The following UBE3D variants were observed in gnomAD, a reference collection of about 807,000 sequenced individuals.
UBE3D encodes ubiquitin protein ligase E3D, also known as E3 ubiquitin-protein ligase E3D.
Under a neutral mutation model 49.6 loss-of-function variants are expected in UBE3D, and 48 were observed. That is an observed-to-expected ratio of 0.97 (90% CI 0.77 to 1.23). UBE3D has a LOEUF of 1.23. Ranked by LOEUF, UBE3D falls within the 50% of genes most tolerant of loss-of-function variation. UBE3D has a pLI of 0.00. For synonymous variants in UBE3D, 189 were observed against 174.2 expected (o/e 1.08, Z -0.67); for missense variants, 452 against 468.4 (o/e 0.96, Z 0.32).
Position 83,022,573 on chromosome 6 carries a change from G to A in UBE3D, c.738-12C>T, listed in dbSNP as rs980355643. 5 of 1,554,140 alleles carry A rather than the reference G, an allele frequency of 3.2e-6. No homozygotes were observed. The highest frequency in any genetic ancestry group is 1.7e-4 in the Middle Eastern group (1 of 5,832). The stretch of plus-strand genomic sequence containing the variant: ...GGACAAACCAAGACCTGTTTGAACA[G>A]AAATCAATTTTTACAATGTGTATCT... On this transcript the variant is annotated splice_polypyrimidine_tract_variant and intron_variant, in intron 6 of 9. Transcript: ENST00000369747.
chr6:82,948,237 G>A (rs1480674162), intron 9 of UBE3D, among the ~76,000 whole-genome samples: 1 of 151,772 alleles, frequency 6.6e-6, no homozygotes, highest in Non-Finnish European at 1.5e-5. Context: ...ATCATTAATG[G>A]CTACTATGAG....
chr6:83,027,739 C>A lies in UBE3D; in HGVS notation c.668-3701G>T, dbSNP rs372250234. 6.6e-5 allele frequency among the ~76,000 whole-genome samples: 10 copies of A among 152,162 alleles called. No individual in the cohort carries two copies. In the East Asian group the frequency reaches 7.7e-4, roughly 12 times the overall value. On this transcript the variant is annotated intron_variant, in intron 5 of 9. Coordinates refer to ENST00000369747, the MANE Select transcript of UBE3D (RefSeq NM_198920.3). ...CTCGCATGTGTCTAAGTATGGATTT[C>A]TTTTTATTTTTCTTGCTAGGGCTTT...
intron 9 of UBE3D, among the ~76,000 whole-genome samples, chr6:82,935,590 T>C (rs571358685): frequency 6.6e-6 from 1 of 152,284 alleles, no homozygotes; most frequent in African/African-American, 2.4e-5. Flanking sequence ...AGAATAAGTT[T>C]TTAAAACTCC....
intron 8 of UBE3D, among the ~76,000 whole-genome samples, chr6:83,006,865 A>T (rs1008657212): frequency 1.3e-5 from 2 of 152,194 alleles, no homozygotes; most frequent in African/African-American, 4.8e-5. Flanking sequence ...TAACGCTACC[A>T]AAATATACAC....
intron 9 of UBE3D, among the ~76,000 whole-genome samples, chr6:82,900,503 A>G (rs1028137374): frequency 1.3e-5 from 2 of 152,198 alleles, no homozygotes; most frequent in African/African-American, 4.8e-5. Flanking sequence ...TTCAGTGGCA[A>G]TTTTTAAATT....
At chr6:82,992,541 G>C (rs1166425700) in intron 8 of UBE3D, among the ~76,000 whole-genome samples, 1 of 152,074 alleles carries the variant, frequency 6.6e-6, no homozygotes, top group South Asian at 2.1e-4. Flanking sequence ...TATTCTTTAG[G>C]GAAGGGAGTA....
At chr6:82,985,008 C>CCTTT (rs1442501883) in intron 8 of UBE3D, among the ~76,000 whole-genome samples, 27 of 53,004 alleles carry the variant, frequency 5.1e-4, no homozygotes, top group South Asian at 1.0e-3. Flanking sequence ...TCTTCTTCTT[C>CCTTT]TTTTTTTTTT....
chr6:82,963,222 A>G (rs1776679287), intron 8 of UBE3D, among the ~76,000 whole-genome samples: 1 of 149,906 alleles, frequency 6.7e-6, no homozygotes, highest in East Asian at 1.9e-4. Flanking sequence ...AGAAAGAAAT[A>G]AAAGAGAACA....
intron 9 of UBE3D, among the ~76,000 whole-genome samples, chr6:82,923,644 C>T (rs1773527157): frequency 6.6e-6 from 1 of 152,074 alleles, no homozygotes; most frequent in African/African-American, 2.4e-5. Flanking sequence ...TAGCAAACCA[C>T]CATGGCACGT....
intron 5 of UBE3D, among the ~76,000 whole-genome samples, chr6:83,034,993 G>A (rs1782143844): frequency 1.3e-5 from 2 of 151,902 alleles, no homozygotes; most frequent in Admixed American, 1.3e-4. Flanking sequence ...ATCAGCCTGG[G>A]CAACATATGG....
At chr6:83,063,412 T>TAAAAAAAAAAAAAA (rs201669450) in intron 1 of UBE3D, among the ~76,000 whole-genome samples, 2 of 45,494 alleles carry the variant, frequency 4.4e-5, no homozygotes, top group Non-Finnish European at 8.8e-5. Context: ...AGACGCTGTC[T>TAAAAAAAAAAAAAA]AAAAAAAAAA....
At chr6:83,031,207 C>T (rs1781845572) in intron 5 of UBE3D, among the ~76,000 whole-genome samples, 1 of 152,154 alleles carries the variant, frequency 6.6e-6, no homozygotes, top group African/African-American at 2.4e-5. Flanking sequence ...CAAGGTTTCA[C>T]CATTTTGACC....
At chr6:82,912,287 C>T (rs1444031517) in intron 9 of UBE3D, among the ~76,000 whole-genome samples, 1 of 151,900 alleles carries the variant, frequency 6.6e-6, no homozygotes, top group Non-Finnish European at 1.5e-5. Context: ...GACCTTCGAG[C>T]TTAGTCAGTT....
intron 9 of UBE3D, among the ~76,000 whole-genome samples, chr6:82,910,718 G>A (rs1347303321): frequency 6.6e-6 from 1 of 152,054 alleles, no homozygotes; most frequent in Non-Finnish European, 1.5e-5. Context: ...CATTGCAAGA[G>A]TCCAAGAATT....
At chr6:83,029,843 G>A (rs537197200) in intron 5 of UBE3D, among the ~76,000 whole-genome samples, 1 of 152,018 alleles carries the variant, frequency 6.6e-6, no homozygotes, top group African/African-American at 2.4e-5. Context: ...TTTTAGTCTG[G>A]CTCCCTAGCA....
chr6:82,999,057 A>AT (rs1456971265), intron 8 of UBE3D, among the ~76,000 whole-genome samples: 1 of 152,104 alleles, frequency 6.6e-6, no homozygotes, highest in Non-Finnish European at 1.5e-5. Context: ...AATCTTCTCC[A>AT]TTCTCCTCAA....
At chr6:82,954,717 G>C (rs2324139) in intron 9 of UBE3D, among the ~76,000 whole-genome samples, 24,373 of 152,054 alleles carry the variant, frequency 0.16, 1,993 homozygotes, top group South Asian at 0.17. Context: ...AATTAGAAGC[G>C]CCATTCCTCG....
Position 82,981,982 on chromosome 6 carries a change from A to T in UBE3D, c.1011-24532T>A, listed in dbSNP as rs552217813. 3.3e-5 allele frequency among the ~76,000 whole-genome samples: 5 copies of T among 152,308 alleles called. No individual in the cohort carries two copies. The East Asian group carries it at 9.6e-4, about 29-fold the overall frequency. ...TTGGTGATTGTTTTCAAGAAAGATGAGGTAATAAGCAAATAGGCAGAGACC... is the reference window on the plus strand; with the variant it reads ...TTGGTGATTGTTTTCAAGAAAGATGTGGTAATAAGCAAATAGGCAGAGACC... On this transcript the variant is annotated intron_variant, in intron 8 of 9. Coordinates refer to ENST00000369747, the MANE Select transcript of UBE3D (RefSeq NM_198920.3).
chr6:82,887,143 A>T, the UBE3D span, among the ~76,000 whole-genome samples: 1 of 145,264 alleles, frequency 6.9e-6, no homozygotes, highest in Admixed American at 7.2e-5. Flanking sequence ...GTCTCTACTA[A>T]AAATACCAAA....
Sources: allele counts gnomAD v4.1 joint callset (sites outside exome capture counted in the v4.1 genomes callset), GRCh38; gene constraint gnomAD v4.1.1; transcripts MANE v1.5; gene names NCBI Gene and HGNC (gene_info 2026-07-23, HGNC 2026-07-21).